P2RY8: variants seen among roughly 807,000 people sequenced by gnomAD.
P2RY8 encodes the protein P2Y receptor family member 8, also known as S-geranylgeranyl-glutathione receptor P2RY8.
P2RY8 carries 6 observed loss-of-function variants against 10.0 expected under a neutral mutation model. That is an observed-to-expected ratio of 0.60 (90% CI 0.33 to 1.19). The LOEUF (loss-of-function observed/expected upper bound fraction) is 1.19, where lower values mean the gene tolerates loss of function less well. Among genes scored for constraint, P2RY8 ranks in the 50% most tolerant of loss-of-function variants. The pLI, the probability that P2RY8 is intolerant of heterozygous loss-of-function variation, is 0.04. For missense variants in P2RY8, 456 were observed against 542.0 expected (o/e 0.84, Z 1.58); for synonymous variants, 276 against 252.5 (o/e 1.09, Z -0.88).
chrX:1,488,510 A>T (rs1189460603), intron 1 of P2RY8, among the ~76,000 whole-genome samples: 1 of 152,128 alleles, frequency 6.6e-6, no homozygotes, highest in East Asian at 1.9e-4. Context: ...GTCTGCACCC[A>T]GCACAGTCTT....
chrX:1,524,784 C>A (rs866030052), intron 1 of P2RY8, among the ~76,000 whole-genome samples: 2 of 50,890 alleles, frequency 3.9e-5, no homozygotes, highest in East Asian at 6.8e-4. Flanking sequence ...CATCCATCCA[C>A]TCATCCATTC....
At chrX:1,496,985 G>C (rs6645257) in intron 1 of P2RY8, among the ~76,000 whole-genome samples, 45,501 of 148,816 alleles carry the variant, frequency 0.31, 7,292 homozygotes, top group Middle Eastern at 0.39. Context: ...TTGGGAGGCC[G>C]AGGCGGGTGG....
At chrX:1,496,380 T>G (rs1238465030) in intron 1 of P2RY8, among the ~76,000 whole-genome samples, 2 of 152,190 alleles carry the variant, frequency 1.3e-5, no homozygotes, top group Non-Finnish European at 2.9e-5. Flanking sequence ...TGCCTTGGCG[T>G]TGGGGAGCCA....
intron 1 of P2RY8, among the ~76,000 whole-genome samples, chrX:1,481,846 A>G (rs2091938943): frequency 6.6e-6 from 1 of 152,156 alleles, no homozygotes; most frequent in African/African-American, 2.4e-5. Context: ...GCCTCAGATC[A>G]CAAGGCAAGA....
At chrX:1,533,988 AT>A (rs1166058208) in intron 1 of P2RY8, among the ~76,000 whole-genome samples, 1 of 124,170 alleles carries the variant, frequency 8.1e-6, no homozygotes, top group Non-Finnish European at 1.5e-5. Flanking sequence ...TATATTATAT[AT>A]TTATATATTA....
Position 1,491,337 on chromosome X carries a change from G to A in P2RY8, c.-24-24755C>T, listed in dbSNP as rs28626685. ...TGGGGGGAATTAATGAATGACATCC[G>A]GGGATTCCCCACAAATGTGAAGGGA... On this transcript the variant is annotated intron_variant, in intron 1 of 1. Transcript: ENST00000381297. 7.2e-5 allele frequency among the ~76,000 whole-genome samples: 11 copies of A among 152,020 alleles called. No individual in the cohort carries two copies. The South Asian group carries it at 1.5e-3, about 20-fold the overall frequency.
intron 1 of P2RY8, among the ~76,000 whole-genome samples, chrX:1,530,336 A>G (rs1198895884): frequency 3.3e-5 from 5 of 151,594 alleles, no homozygotes; most frequent in African/African-American, 1.2e-4. Flanking sequence ...GTATGTACAT[A>G]TCTATCTATC....
At chrX:1,519,457 A>G (rs1160744028) in intron 1 of P2RY8, among the ~76,000 whole-genome samples, 1 of 151,374 alleles carries the variant, frequency 6.6e-6, no homozygotes, top group Non-Finnish European at 1.5e-5. Context: ...TCTGATCCCA[A>G]TATTCTCTCT....
intron 1 of P2RY8, among the ~76,000 whole-genome samples, chrX:1,492,012 C>T (rs1280681384): frequency 6.6e-6 from 1 of 152,220 alleles, no homozygotes; most frequent in Non-Finnish European, 1.5e-5. Context: ...TTTGGTCCAG[C>T]TTGCTACTGG....
At chrX:1,509,361 A>G (rs2092272565) in intron 1 of P2RY8, among the ~76,000 whole-genome samples, 1 of 149,760 alleles carries the variant, frequency 6.7e-6, no homozygotes, top group Non-Finnish European at 1.5e-5. Flanking sequence ...CCATCCATCC[A>G]TCCATCCATC....
chrX:1,524,617 C>CCATT (rs1392555746), intron 1 of P2RY8, among the ~76,000 whole-genome samples: 6,123 of 107,102 alleles, frequency 0.057, 1,177 homozygotes, highest in East Asian at 0.24. Context: ...ATCCATCCAT[C>CCATT]CATCCATTCA....
At chrX:1,468,769 TCTCCCCTCTC>T (rs2091732077) in intron 1 of P2RY8, among the ~76,000 whole-genome samples, 1 of 314 alleles carries the variant, frequency 3.2e-3, no homozygotes. Flanking sequence ...CCCTCTCCCC[TCTCCCCTCTC>T]CCTCTCCCCT....
chrX:1,482,524 C>A (rs1603456648), intron 1 of P2RY8, among the ~76,000 whole-genome samples: 1 of 152,186 alleles, frequency 6.6e-6, no homozygotes, highest in South Asian at 2.1e-4. Context: ...GTTTAAAGAT[C>A]GTTGCTCTAG....
chrX:1,467,049 C>A lies in P2RY8; in HGVS notation c.-24-467G>T, dbSNP rs1393266893. On this transcript the variant is annotated intron_variant, in intron 1 of 1. Coordinates refer to ENST00000381297, the MANE Select transcript of P2RY8 (RefSeq NM_178129.5). Reference sequence around the variant, plus strand: ...TACAAACCTCAAGACTCAGTGTCCCCCGTGGACGGAAACCACAAAGCCACC... The same window carrying A: ...TACAAACCTCAAGACTCAGTGTCCCACGTGGACGGAAACCACAAAGCCACC... Among the ~76,000 whole-genome samples the A allele has an allele frequency of 1.4e-5, 2 of 144,914 alleles. 1 individual carries two copies. Among genetic ancestry groups the A allele is most frequent in the Admixed American group, 1.4e-4 (2 of 14,344 alleles).
chrX:1,469,387 G>C (rs1331666854), intron 1 of P2RY8, among the ~76,000 whole-genome samples: 9 of 151,734 alleles, frequency 5.9e-5, no homozygotes, highest in South Asian at 2.1e-4. Flanking sequence ...GGCTGGTCTT[G>C]AATTCCTGAC....
At chrX:1,517,434 C>G (rs1412268001) in intron 1 of P2RY8, among the ~76,000 whole-genome samples, 1 of 152,194 alleles carries the variant, frequency 6.6e-6, no homozygotes, top group Non-Finnish European at 1.5e-5. Context: ...ACAAACACCC[C>G]CAACCTTGTC....
chrX:1,472,397 T>C (rs1374455244), intron 1 of P2RY8, among the ~76,000 whole-genome samples: 1 of 146,626 alleles, frequency 6.8e-6, no homozygotes, highest in African/African-American at 2.6e-5. Flanking sequence ...GATGGGTAGA[T>C]GCATAGATGG....
chrX:1,466,484 G>A lies in P2RY8; in HGVS notation c.75C>T (p.Ala25=), dbSNP rs758586051. ...CCACCAGCGAGTACACCACGGGCAG[G>A]GCCACCGCGATCGCCGGGTTCCGCA... ...QMLRNPAIAV[A]LPVVYSLVAA... Residue 25 remains alanine (A), a synonymous_variant, in exon 2 of 2, where the codon GCC becomes GCT. Transcript: ENST00000381297. 1.2e-6 allele frequency: 2 copies of A among 1,611,566 alleles called. No homozygotes were observed. The highest frequency in any genetic ancestry group is 2.7e-5 in the African/African-American group (2 of 74,864).
chrX:1,491,043 G>A (rs2092042442), intron 1 of P2RY8, among the ~76,000 whole-genome samples: 1 of 149,166 alleles, frequency 6.7e-6, no homozygotes, highest in African/African-American at 2.5e-5. Flanking sequence ...ATTCACTTCT[G>A]CAAATGTAGA....
Sources: gnomAD v4.1 joint callset for allele counts (sites outside exome capture counted in the v4.1 genomes callset) on GRCh38, gnomAD v4.1.1 for gene constraint, MANE v1.5 for transcripts, NCBI Gene and HGNC (gene_info 2026-07-23, HGNC 2026-07-21) for gene names.